LRMDA: variants seen among roughly 807,000 people sequenced by gnomAD.
LRMDA encodes leucine-rich melanocyte differentiation-associated protein.
LRMDA carries 18 observed loss-of-function variants against 29.8 expected under a neutral mutation model. That is an observed-to-expected ratio of 0.60 (90% CI 0.42 to 0.90). The LOEUF is 0.90. Among genes scored for constraint, LRMDA ranks in the 40% least tolerant of loss-of-function variants. The pLI, the probability that LRMDA is intolerant of heterozygous loss-of-function variation, is 0.00. For synonymous variants in LRMDA, 125 were observed against 109.4 expected (o/e 1.14, Z -0.89); for missense variants, 273 against 273.9 (o/e 1.00, Z 0.02).
chr10:76,195,770 G>A lies in LRMDA; in HGVS notation c.517-128631G>A, dbSNP rs73286944. Among the ~76,000 whole-genome samples the A allele has an allele frequency of 4.2e-3, 642 of 152,232 alleles. 6 individuals carry two copies. The highest frequency in any genetic ancestry group is 0.013 in the African/African-American group (556 of 41,558). ...CTTCAAAATGGAAAAACAAAATAGG[G>A]TCTAAAAAGCAAACACAGTAAATTA... On this transcript the variant is annotated intron_variant, in intron 5 of 6. Transcript: ENST00000611255.
intron 2 of LRMDA, among the ~76,000 whole-genome samples, chr10:75,665,276 G>A (rs988032007): frequency 1.3e-5 from 2 of 152,200 alleles, no homozygotes; most frequent in African/African-American, 4.8e-5. Context: ...GGAAACTGAA[G>A]CCTAGAGCAG....
intron 2 of LRMDA, among the ~76,000 whole-genome samples, chr10:75,682,540 G>C (rs910218241): frequency 6.6e-6 from 1 of 152,014 alleles, no homozygotes; most frequent in Non-Finnish European, 1.5e-5. Context: ...ACTATATTAT[G>C]TATTATATAG....
chr10:75,614,460 G>A lies in LRMDA; in HGVS notation c.131+175966G>A, dbSNP rs562267297. On this transcript the variant is annotated intron_variant, in intron 2 of 6. Transcript: ENST00000611255. The stretch of plus-strand genomic sequence containing the variant: ...CTTGTCTGCACAGTGCCTCAGAAAA[G>A]CCATTGTTTTTTCATGCCACAGACT... 2.6e-5 allele frequency among the ~76,000 whole-genome samples: 4 copies of A among 152,240 alleles called. No individual in the cohort carries two copies. The South Asian group carries it at 8.3e-4, about 32-fold the overall frequency.
intron 5 of LRMDA, among the ~76,000 whole-genome samples, chr10:76,317,758 G>C (rs1564722090): frequency 6.6e-6 from 1 of 152,124 alleles, no homozygotes; most frequent in African/African-American, 2.4e-5. Flanking sequence ...ACTTTTAGTA[G>C]AGACAAGGTT....
intron 2 of LRMDA, among the ~76,000 whole-genome samples, chr10:75,606,640 A>G (rs758500281): frequency 6.6e-6 from 1 of 152,196 alleles, no homozygotes; most frequent in Non-Finnish European, 1.5e-5. Context: ...GAGCTGCCGC[A>G]GTGTTTTTTC....
intron 2 of LRMDA, among the ~76,000 whole-genome samples, chr10:75,963,618 T>C (rs1300424019): frequency 1.3e-5 from 2 of 152,230 alleles, no homozygotes; most frequent in African/African-American, 4.8e-5. Context: ...CAACCTCCAC[T>C]TGTTGACTAA....
chr10:75,834,566 A>G (rs1241895429), intron 2 of LRMDA, among the ~76,000 whole-genome samples: 2 of 152,172 alleles, frequency 1.3e-5, no homozygotes, highest in South Asian at 2.1e-4. Context: ...GCCTTTCACT[A>G]TAAGCAGCAA....
chr10:75,648,601 C>G (rs770666268), intron 2 of LRMDA, among the ~76,000 whole-genome samples: 43 of 152,084 alleles, frequency 2.8e-4, no homozygotes, highest in Non-Finnish European at 5.6e-4. Context: ...GCCATCAAGC[C>G]CTACAAAGAC....
At chr10:75,960,544 A>T (rs1846746193) in intron 2 of LRMDA, among the ~76,000 whole-genome samples, 1 of 152,202 alleles carries the variant, frequency 6.6e-6, no homozygotes, top group Admixed American at 6.5e-5. Context: ...CATCCTTCTA[A>T]CTGGAGGTTT....
intron 6 of LRMDA, among the ~76,000 whole-genome samples, chr10:76,544,046 A>G (rs896821809): frequency 8.5e-5 from 13 of 152,262 alleles, no homozygotes; most frequent in Middle Eastern, 3.4e-3. Flanking sequence ...TCCTGAACTC[A>G]CCACTGGTGC....
intron 2 of LRMDA, 70 bp downstream of exon 2, chr10:75,438,564 C>A (rs1438363852): frequency 3.3e-6 from 4 of 1,205,436 alleles, no homozygotes; most frequent in African/African-American, 1.5e-5. Flanking sequence ...TAGGGCCAAG[C>A]AGATAAAAGT....
At chr10:76,167,067 T>C (rs988754921) in intron 5 of LRMDA, among the ~76,000 whole-genome samples, 6 of 152,218 alleles carry the variant, frequency 3.9e-5, no homozygotes, top group African/African-American at 1.4e-4. Flanking sequence ...ATCAGTGATG[T>C]TGAGCTTTTT....
intron 2 of LRMDA, among the ~76,000 whole-genome samples, chr10:75,925,369 C>T (rs1564608706): frequency 6.6e-6 from 1 of 152,144 alleles, no homozygotes; most frequent in South Asian, 2.1e-4. Flanking sequence ...AGACATACCA[C>T]ATGTTTACCA....
At chr10:76,530,401 A>T (rs528637024) in intron 6 of LRMDA, among the ~76,000 whole-genome samples, 1 of 152,268 alleles carries the variant, frequency 6.6e-6, no homozygotes, top group South Asian at 2.1e-4. Flanking sequence ...ATGCCCAAGG[A>T]CTCAGGGATT....
chr10:75,952,752 C>T (rs908122013), intron 2 of LRMDA, among the ~76,000 whole-genome samples: 4 of 152,028 alleles, frequency 2.6e-5, no homozygotes, highest in Non-Finnish European at 4.4e-5. Context: ...TTTTTTCTTA[C>T]GGAAATTCTT....
intron 6 of LRMDA, among the ~76,000 whole-genome samples, chr10:76,365,676 T>C (rs1841384088): frequency 6.6e-6 from 1 of 152,222 alleles, no homozygotes; most frequent in African/African-American, 2.4e-5. Flanking sequence ...TTGTGAAGAT[T>C]TTCTCCCGCT....
At position 75,431,688 on chromosome 10, in the gene LRMDA, G is replaced by T. The variant is rs965163749; in HGVS notation, c.-37G>T. 5 of 1,281,298 alleles carry T rather than the reference G, an allele frequency of 3.9e-6. No individual in the cohort carries two copies. In the African/African-American group the frequency reaches 6.2e-5, roughly 16 times the overall value. The allele number at this position is 1,281,298 out of a possible 1,614,324, so 79.4% of individuals were successfully genotyped here. ...TCCCCGCTGCTGCCGCCGCGCCCCC[G>T]CGCTCCGTCCCGCGCGCCCGCAGCG... On this transcript the variant is annotated 5_prime_UTR_variant, in exon 1 of 7. Transcript: ENST00000611255.
Position 75,791,572 on chromosome 10 carries a change from C to T in LRMDA, c.132-244436C>T, listed in dbSNP as rs184136837. On this transcript the variant is annotated intron_variant, in intron 2 of 6. Coordinates refer to ENST00000611255, the MANE Select transcript of LRMDA (RefSeq NM_001305581.2). ...TTTTAGGAAAGCTTTGTGCTGTTTT[C>T]TCCACAGAAAAGTCAAATTCTCACA... Among the ~76,000 whole-genome samples the T allele has an allele frequency of 9.8e-3, 1,500 of 152,312 alleles. 14 individuals carry two copies. The highest frequency in any genetic ancestry group is 0.016 in the Non-Finnish European group (1,073 of 68,024).
chr10:75,879,567 C>T (rs1415315692), intron 2 of LRMDA, among the ~76,000 whole-genome samples: 1 of 152,126 alleles, frequency 6.6e-6, no homozygotes, highest in Non-Finnish European at 1.5e-5. Flanking sequence ...CCTATTTCTA[C>T]TGGAATATAA....
Sources: gnomAD v4.1 joint callset for allele counts (sites outside exome capture counted in the v4.1 genomes callset) on GRCh38, gnomAD v4.1.1 for gene constraint, MANE v1.5 for transcripts, NCBI Gene and HGNC (gene_info 2026-07-23, HGNC 2026-07-21) for gene names.